PTPRC: variants seen among roughly 807,000 people sequenced by gnomAD.
PTPRC encodes the protein protein tyrosine phosphatase receptor type C, also known as receptor-type tyrosine-protein phosphatase C.
Under a neutral mutation model 155.9 loss-of-function variants are expected in PTPRC, and 44 were observed. The observed-to-expected ratio is 0.28, with a 90% confidence interval of 0.22 to 0.36. The LOEUF (loss-of-function observed/expected upper bound fraction) is 0.36, where lower values mean the gene tolerates loss of function less well. Ranked by LOEUF, PTPRC falls within the 10% of genes least tolerant of loss-of-function variation. The pLI is 1.00. For synonymous variants in PTPRC, 525 were observed against 533.1 expected (o/e 0.98, Z 0.21); for missense variants, 1,401 against 1,564.6 (o/e 0.90, Z 1.76).
At chr1:198,654,742 A>G (rs924638941) in intron 2 of PTPRC, among the ~76,000 whole-genome samples, 1 of 151,902 alleles carries the variant, frequency 6.6e-6, no homozygotes. Flanking sequence ...AATTCACATT[A>G]ATATGTAATA....
chr1:198,689,940 A>C (rs916412903), intron 2 of PTPRC, among the ~76,000 whole-genome samples: 4 of 152,158 alleles, frequency 2.6e-5, no homozygotes, highest in African/African-American at 7.2e-5. Context: ...GGCAAGGGTC[A>C]TGCTTTTATC....
At chr1:198,662,922 G>A (rs1664060786) in intron 2 of PTPRC, among the ~76,000 whole-genome samples, 1 of 152,112 alleles carries the variant, frequency 6.6e-6, no homozygotes, top group South Asian at 2.1e-4. Context: ...TTCCCTCTCT[G>A]CAGTTGATGT....
At chr1:198,646,135 C>T (rs1233654132) in intron 2 of PTPRC, among the ~76,000 whole-genome samples, 1 of 151,660 alleles carries the variant, frequency 6.6e-6, no homozygotes, top group Non-Finnish European at 1.5e-5. Flanking sequence ...GAAAAAAACT[C>T]CATTAGACCA....
rs1666376451 is a variant in PTPRC, at chr1:198,699,718, T to G, written c.439+14T>G. The G allele has an allele frequency of 6.2e-7, 1 of 1,614,112 alleles. No homozygotes were observed. The highest frequency in any genetic ancestry group is 2.2e-5 in the East Asian group (1 of 44,888). On this transcript the variant is annotated intron_variant, in intron 5 of 32. Transcript: ENST00000442510. ...ATGCTATCTCAGGTTTGCGGGTCCT[T>G]TAGACTTGTGCAAATATGAAAAGTA...
At chr1:198,655,783 TCTGA>T (rs1557971029) in intron 2 of PTPRC, among the ~76,000 whole-genome samples, 1 of 152,080 alleles carries the variant, frequency 6.6e-6, no homozygotes, top group Non-Finnish European at 1.5e-5. Context: ...CCCAACCTGC[TCTGA>T]CTGTGACAAC....
intron 3 of PTPRC, chr1:198,693,080 TAA>T (rs962666077): frequency 3.1e-6 from 3 of 976,802 alleles, no homozygotes; most frequent in African/African-American, 3.5e-5. Context: ...AGAAGGTAAG[TAA>T]AACAATGAAG....
intron 2 of PTPRC, among the ~76,000 whole-genome samples, chr1:198,666,485 C>T (rs1664314651): frequency 6.6e-6 from 1 of 152,038 alleles, no homozygotes; most frequent in Non-Finnish European, 1.5e-5. Flanking sequence ...ATAATAAAAG[C>T]ATTTGCTAAC....
chr1:198,685,556 A>G (rs190873536), intron 2 of PTPRC, among the ~76,000 whole-genome samples: 17 of 152,184 alleles, frequency 1.1e-4, no homozygotes, highest in Non-Finnish European at 1.9e-4. Flanking sequence ...TGCTTACTCC[A>G]TAAATACTTA....
intron 26 of PTPRC, among the ~76,000 whole-genome samples, chr1:198,746,923 A>G (rs554501381): frequency 6.6e-6 from 1 of 151,948 alleles, no homozygotes; most frequent in South Asian, 2.1e-4. Context: ...TTACGTAGCA[A>G]AGAATGAGGT....
chr1:198,744,235 C>T, intron 26 of PTPRC, 32 bp downstream of exon 26: 2 of 1,567,956 alleles, frequency 1.3e-6, no homozygotes, highest in Non-Finnish European at 1.7e-6. Context: ...ATAATAATTA[C>T]AGATAACTTT....
At position 198,704,452 on chromosome 1, in the gene PTPRC, A is replaced by AT. The variant is rs539544931; in HGVS notation, c.659-12dup. On this transcript the variant is annotated intron_variant, in intron 7 of 32. Transcript: ENST00000442510. ...CTAAAGCAAAATTTTAATAATTTAC[A>AT]TTTTTTTTCTCCATTACAGCTACTA... is the stretch of plus-strand genomic sequence containing the variant. The AT allele has an allele frequency of 3.6e-5, 58 of 1,613,580 alleles. No individual in the cohort carries two copies. The highest frequency in any genetic ancestry group is 1.7e-4 in the Middle Eastern group (1 of 6,060).
intron 13 of PTPRC, 37 bp downstream of exon 13, chr1:198,716,877 GTAAAAAGCAAGGTATGAACTTT>G (rs1313325091): frequency 6.3e-7 from 1 of 1,599,374 alleles, no homozygotes; most frequent in African/African-American, 1.3e-5. Context: ...TCCATAAATG[GTAAAAAGCAAGGTATGAACTTT>G]TTAGCCTACA....
intron 10 of PTPRC, among the ~76,000 whole-genome samples, chr1:198,708,898 G>C (rs192635694): frequency 6.3e-4 from 96 of 152,358 alleles, no homozygotes; most frequent in African/African-American, 2.2e-3. Context: ...ATGACAGACA[G>C]ATGTGCTCAG....
chr1:198,717,438 G>A (rs1391260605), intron 13 of PTPRC, among the ~76,000 whole-genome samples: 2 of 152,100 alleles, frequency 1.3e-5, no homozygotes, highest in African/African-American at 2.4e-5. Context: ...AACCTCCATC[G>A]AGGACAGGGA....
intron 2 of PTPRC, among the ~76,000 whole-genome samples, chr1:198,683,156 T>C (rs936199222): frequency 6.6e-6 from 1 of 152,166 alleles, no homozygotes; most frequent in Non-Finnish European, 1.5e-5. Flanking sequence ...AAGAAGAGAA[T>C]ACCATCTACT....
chr1:198,723,041 C>T (rs553569027), intron 15 of PTPRC, among the ~76,000 whole-genome samples: 1 of 151,410 alleles, frequency 6.6e-6, no homozygotes, highest in South Asian at 2.1e-4. Flanking sequence ...TTACATTCCC[C>T]ACCCACAATT....
chr1:198,696,188 A>T (rs916275372), intron 3 of PTPRC, among the ~76,000 whole-genome samples: 1 of 150,192 alleles, frequency 6.7e-6, no homozygotes, highest in Non-Finnish European at 1.5e-5. Flanking sequence ...ATATATATAG[A>T]TAGATATTTT....
Position 198,718,346 on chromosome 1 carries a change from T to A in PTPRC, c.1659+44T>A, listed in dbSNP as rs991983582. The A allele has an allele frequency of 7.6e-6, 11 of 1,441,758 alleles. No individual in the cohort carries two copies. The African/African-American group carries it at 1.5e-4, about 20-fold the overall frequency. 89.3% of individuals were successfully genotyped at this position (1,441,758 alleles called of 1,614,324 possible). On this transcript the variant is annotated intron_variant, in intron 14 of 32. Transcript: ENST00000442510. Reference sequence around the variant, plus strand: ...CATTACTATAGTACCAACTACATTATAATGATTGATTCATAGTACTTAAAT... The same window carrying A: ...CATTACTATAGTACCAACTACATTAAAATGATTGATTCATAGTACTTAAAT...
intron 3 of PTPRC, chr1:198,694,550 G>A (rs953978779): frequency 4.9e-5 from 48 of 989,500 alleles, no homozygotes; most frequent in South Asian, 1.9e-4. Flanking sequence ...GAGAGTGGAC[G>A]ATAAAGGGAA....
Sources: allele counts gnomAD v4.1 joint callset (sites outside exome capture counted in the v4.1 genomes callset), GRCh38; gene constraint gnomAD v4.1.1; transcripts MANE v1.5; gene names NCBI Gene and HGNC (gene_info 2026-07-23, HGNC 2026-07-21).